STXBP5: variants seen among roughly 807,000 people sequenced by gnomAD.
The protein encoded by STXBP5 is syntaxin-binding protein 5.
STXBP5 carries 50 observed loss-of-function variants against 152.4 expected under a neutral mutation model. The observed-to-expected ratio is 0.33, with a 90% confidence interval of 0.26 to 0.42. The LOEUF (loss-of-function observed/expected upper bound fraction) is 0.42, where lower values mean the gene tolerates loss of function less well. STXBP5 is among the 10% of genes least tolerant of loss of function. The pLI, the probability that STXBP5 is intolerant of heterozygous loss-of-function variation, is 1.00. For synonymous variants in STXBP5, 492 were observed against 494.7 expected (o/e 0.99, Z 0.07); for missense variants, 1,167 against 1,388.6 (o/e 0.84, Z 2.54).
intron 21 of STXBP5, among the ~76,000 whole-genome samples, chr6:147,352,534 C>G (rs572994095): frequency 1.6e-4 from 25 of 152,160 alleles, no homozygotes; most frequent in South Asian, 1.5e-3. Context: ...TCCCTTGACC[C>G]TGAGAGGCGG....
In STXBP5 at chr6:147,310,172, G is replaced by A; in HGVS notation, c.1006G>A (p.Ala336Thr). 6.2e-7 allele frequency: 1 copy of A among 1,606,014 alleles called. No individual in the cohort carries two copies. The highest frequency in any genetic ancestry group is 8.5e-7 in the Non-Finnish European group (1 of 1,177,678). ...AACAGTGATGCATGGGAAAAGCACT[G>A]CTGTGCTAGAAATGGACTATTCAAT... Reference protein sequence around the residue: ...CLTVMHGKSTAVLEMDYSIVD... With the variant: ...CLTVMHGKSTTVLEMDYSIVD... Residue 336 changes from alanine (A) to threonine (T), a missense_variant, in exon 10 of 28, where the codon GCT becomes ACT. Transcript: ENST00000321680.
chr6:147,334,720 CTG>C (rs1205871556), intron 19 of STXBP5, among the ~76,000 whole-genome samples: 1 of 151,840 alleles, frequency 6.6e-6, no homozygotes, highest in Non-Finnish European at 1.5e-5. Flanking sequence ...TTTATGTGAC[CTG>C]TGTGTATATT....
At chr6:147,382,646 A>G (rs1452578233) in intron 26 of STXBP5, 132 bp from the exon 27 acceptor site, 2 of 868,332 alleles carry the variant, frequency 2.3e-6, no homozygotes, top group Non-Finnish European at 3.6e-6. Context: ...TGTATTAAGC[A>G]TATTTCACTT....
intron 25 of STXBP5, among the ~76,000 whole-genome samples, chr6:147,373,396 CTAATG>C (rs1484474230): frequency 2.1e-5 from 3 of 139,812 alleles, no homozygotes; most frequent in Non-Finnish European, 3.1e-5. Context: ...AAACTTCTTT[CTAATG>C]TAATTATTAA....
intron 2 of STXBP5, among the ~76,000 whole-genome samples, chr6:147,217,070 A>G (rs1777206656): frequency 6.6e-6 from 1 of 152,112 alleles, no homozygotes; most frequent in African/African-American, 2.4e-5. Context: ...AAAGTACGTA[A>G]TCTTTTCTTG....
chr6:147,245,464 G>T (rs771641482), intron 4 of STXBP5, among the ~76,000 whole-genome samples: 1 of 152,084 alleles, frequency 6.6e-6, no homozygotes, highest in African/African-American at 2.4e-5. Context: ...TTATCACAGG[G>T]ACAAATTTGC....
At chr6:147,326,378 A>C (rs1260517817) in intron 17 of STXBP5, among the ~76,000 whole-genome samples, 1 of 152,174 alleles carries the variant, frequency 6.6e-6, no homozygotes, top group Non-Finnish European at 1.5e-5. Context: ...TACCAAGACT[A>C]TATAAATCCA....
intron 23 of STXBP5, among the ~76,000 whole-genome samples, chr6:147,360,669 A>T (rs1452221291): frequency 3.9e-5 from 6 of 152,200 alleles, no homozygotes; most frequent in South Asian, 2.1e-4. Context: ...GAAACCTGAG[A>T]TTATTTTTCT....
At chr6:147,228,387 T>C (rs1777835798) in intron 2 of STXBP5, among the ~76,000 whole-genome samples, 1 of 151,994 alleles carries the variant, frequency 6.6e-6, no homozygotes, top group African/African-American at 2.4e-5. Flanking sequence ...AGTGGTCGCT[T>C]GTTTGTTTTT....
chr6:147,357,721 A>T (rs1252441551), intron 22 of STXBP5, among the ~76,000 whole-genome samples: 2 of 152,150 alleles, frequency 1.3e-5, no homozygotes, highest in Non-Finnish European at 2.9e-5. Flanking sequence ...TTGGCATGCC[A>T]TCAGATGTAT....
chr6:147,337,795 G>C (rs538477994), intron 19 of STXBP5, among the ~76,000 whole-genome samples: 1 of 152,050 alleles, frequency 6.6e-6, no homozygotes, highest in South Asian at 2.1e-4. Flanking sequence ...TCAGTGTTAC[G>C]TGTGTGATAT....
chr6:147,256,466 C>A (rs902983586), intron 4 of STXBP5, among the ~76,000 whole-genome samples: 1 of 152,134 alleles, frequency 6.6e-6, no homozygotes, highest in Non-Finnish European at 1.5e-5. Flanking sequence ...GTGACCAAAT[C>A]CTGCACACTG....
intron 9 of STXBP5, among the ~76,000 whole-genome samples, chr6:147,308,281 T>A (rs1782196598): frequency 6.6e-6 from 1 of 152,222 alleles, no homozygotes; most frequent in Non-Finnish European, 1.5e-5. Context: ...GTCATAATAA[T>A]TGCAGTATGC....
intron 7 of STXBP5, among the ~76,000 whole-genome samples, chr6:147,269,869 C>T (rs1046559944): frequency 1.3e-5 from 2 of 152,008 alleles, no homozygotes; most frequent in Admixed American, 6.6e-5. Context: ...TTTGAATCCT[C>T]GGAGGAGAGT....
In STXBP5 at chr6:147,312,886, G is replaced by A. The variant is rs1439908044; in HGVS notation, c.1146-998G>A. Among the ~76,000 whole-genome samples the A allele has an allele frequency of 3.9e-5, 6 of 151,994 alleles. No individual in the cohort carries two copies. In the East Asian group the frequency reaches 9.6e-4, roughly 24 times the overall value. On this transcript the variant is annotated intron_variant, in intron 11 of 27. Transcript: ENST00000321680. ...CAAATAATTGAGACTTTTCACATGT[G>A]ATCTGTACTGAGATACATTTAAGTC...
At chr6:147,378,065 G>C (rs748318279) in intron 26 of STXBP5, among the ~76,000 whole-genome samples, 4 of 152,104 alleles carry the variant, frequency 2.6e-5, no homozygotes, top group Non-Finnish European at 5.9e-5. Context: ...GTAACTATCA[G>C]ACATTGAAGC....
chr6:147,274,606 C>T (rs1480512100), intron 7 of STXBP5, among the ~76,000 whole-genome samples: 1 of 151,992 alleles, frequency 6.6e-6, no homozygotes, highest in African/African-American at 2.4e-5. Context: ...TGTAAGAAAT[C>T]ATATGTGCTA....
At chr6:147,366,433 A>G (rs896924392) in intron 25 of STXBP5, among the ~76,000 whole-genome samples, 2 of 152,214 alleles carry the variant, frequency 1.3e-5, no homozygotes, top group Non-Finnish European at 2.9e-5. Flanking sequence ...AGAAGCCAGA[A>G]GTCCACAATC....
chr6:147,344,810 G>T (rs71566474), intron 21 of STXBP5, among the ~76,000 whole-genome samples: 2 of 152,268 alleles, frequency 1.3e-5, no homozygotes, highest in East Asian at 3.9e-4. Context: ...CACTGTGTTA[G>T]GTTTATGTAA....
Sources: gnomAD v4.1 joint callset for allele counts (sites outside exome capture counted in the v4.1 genomes callset) on GRCh38, gnomAD v4.1.1 for gene constraint, MANE v1.5 for transcripts, NCBI Gene and HGNC (gene_info 2026-07-23, HGNC 2026-07-21) for gene names.